Variants in GFM1 observed in about 807,000 individuals in gnomAD.
The protein encoded by GFM1 is elongation factor G, mitochondrial.
In GFM1, 62 loss-of-function variants were observed where a neutral mutation model predicts 96.2. The ratio of observed to expected loss-of-function variants is 0.64; its 90% CI spans 0.53 to 0.80. The LOEUF is 0.80. GFM1 is among the 30% of genes least tolerant of loss of function. The probability of loss-of-function intolerance (pLI) is 0.00; values close to 1 mark genes in which losing one functional copy is unlikely to be tolerated. For missense variants in GFM1, 852 were observed against 916.6 expected (o/e 0.93, Z 0.91); for synonymous variants, 282 against 312.9 (o/e 0.90, Z 1.04).
In GFM1 at chr3:158,690,145, T is replaced by TC; in HGVS notation, c.1910-18_1910-17insC. 6.2e-7 allele frequency: 1 copy of TC among 1,607,768 alleles called. No individual in the cohort carries two copies. The highest frequency in any genetic ancestry group is 1.1e-5 in the South Asian group (1 of 90,900). On this transcript the variant is annotated splice_polypyrimidine_tract_variant and intron_variant, in intron 15 of 17. Coordinates refer to ENST00000486715, the MANE Select transcript of GFM1 (RefSeq NM_024996.7). ...GTTTGTATGAAGACTAATGAACTTT[T>TC]TTTTTTTTTTAACCCAGCCTTGGCA... is the stretch of plus-strand genomic sequence containing the variant.
At chr3:158,690,056 G>T (rs1726178138) in intron 15 of GFM1, 107 bp from the exon 16 acceptor site, 1 of 952,704 alleles carries the variant, frequency 1.0e-6, no homozygotes, top group Admixed American at 1.8e-5. Flanking sequence ...CTTGCCGTTT[G>T]TGTTTGTACC....
chr3:158,646,708 C>T, intron 3 of GFM1, 35 bp from the exon 4 acceptor site: 1 of 1,557,864 alleles, frequency 6.4e-7, no homozygotes, highest in Non-Finnish European at 8.8e-7. Flanking sequence ...ATTCAGATTG[C>T]TCTTTAAGAC....
Position 158,646,228 on chromosome 3 carries a change from A to G in GFM1, c.298A>G (p.Ile100Val). Residue 100 changes from isoleucine (I) to valine (V), a missense_variant, in exon 3 of 18, where the codon ATC (isoleucine) becomes GTC (valine). Transcript: ENST00000486715. ...CATGGAACTAGAGAGACAAAGAGGA[A>G]TCACTATTCAGTCAGCAGCCACTTA... ...DSMELERQRGITIQSAATYTM... is the reference protein window; with the variant it reads ...DSMELERQRGVTIQSAATYTM... The G allele has an allele frequency of 6.2e-7, 1 of 1,613,960 alleles. No individual in the cohort carries two copies. Among genetic ancestry groups the G allele is most frequent in the Non-Finnish European group, 8.5e-7 (1 of 1,179,766 alleles).
At chr3:158,686,631 ATTAT>A (rs1725876398) in intron 15 of GFM1, among the ~76,000 whole-genome samples, 2 of 135,312 alleles carry the variant, frequency 1.5e-5, no homozygotes, top group African/African-American at 6.0e-5. Context: ...TTAGTTTTTT[ATTAT>A]TTAGGTATAG....
intron 13 of GFM1, chr3:158,669,056 C>T (rs753130027): frequency 3.1e-6 from 5 of 1,613,434 alleles, no homozygotes; most frequent in Non-Finnish European, 4.2e-6. Flanking sequence ...TAGAATTTTG[C>T]CATATTATAT....
Position 158,650,331 on chromosome 3 carries a change from C to G in GFM1, c.689+1174C>G, listed in dbSNP as rs1722188370. On this transcript the variant is annotated intron_variant, in intron 5 of 17. Transcript: ENST00000486715. ...GTTACAACTAGGCAGTTGTAACTGC[C>G]TAGTACATAATAGGGACTCAAAAAT... 7.1e-6 allele frequency: 3 copies of G among 424,672 alleles called. No individual in the cohort carries two copies. The South Asian group carries it at 9.3e-5, about 13-fold the overall frequency. 26.3% of individuals were successfully genotyped at this position (424,672 alleles called of 1,614,324 possible).
intron 14 of GFM1, 34 bp from the exon 15 acceptor site, chr3:158,684,490 A>T: frequency 6.2e-7 from 1 of 1,612,520 alleles, no homozygotes; most frequent in Non-Finnish European, 8.5e-7. Flanking sequence ...AGTAAAATCC[A>T]CTCACTCCAG....
In GFM1 at chr3:158,691,706, C is replaced by A; in HGVS notation, c.*239C>A. ...GGTTTTATAGTTCATTGAAAATCCT[C>A]AAATAAAATATAATTATTACTGAAA... On this transcript the variant is annotated 3_prime_UTR_variant, in exon 18 of 18. Transcript: ENST00000486715. 2 of 365,506 alleles carry A rather than the reference C, an allele frequency of 5.5e-6. No homozygotes were observed. Among genetic ancestry groups the A allele is most frequent in the South Asian group, 3.1e-5 (1 of 31,776 alleles). The allele number at this position is 365,506 out of a possible 1,614,324, so 22.6% of individuals were successfully genotyped here.
At chr3:158,660,770 C>T (rs559012583) in intron 9 of GFM1, 104 bp from the exon 10 acceptor site, 19 of 934,920 alleles carry the variant, frequency 2.0e-5, no homozygotes, top group African/African-American at 9.7e-5. Flanking sequence ...GATTCTGCCA[C>T]GCTTTTTTAT....
At chr3:158,668,475 T>G (rs1373338741) in intron 13 of GFM1, among the ~76,000 whole-genome samples, 1 of 152,214 alleles carries the variant, frequency 6.6e-6, no homozygotes, top group Non-Finnish European at 1.5e-5. Context: ...CCTGGGATTC[T>G]GTCTTGCTGC....
rs1039306048 is a variant in GFM1 at position 158,693,893 on chromosome 3, G to A, written c.*2426G>A. On this transcript the variant is annotated 3_prime_UTR_variant, in exon 18 of 18. Coordinates refer to ENST00000486715, the MANE Select transcript of GFM1 (RefSeq NM_024996.7). ...TAATATGCAGACAAAGTTAAAGACC[G>A]CTGAAATATTGCCTGCACTGCGCTT... The A allele has an allele frequency of 3.9e-5, 6 of 152,276 alleles. No individual in the cohort carries two copies. Among genetic ancestry groups the A allele is most frequent in the East Asian group, 1.9e-4 (1 of 5,182 alleles). The allele number at this position is 152,276 out of a possible 1,614,324, so 9.4% of individuals were successfully genotyped here.
intron 13 of GFM1, among the ~76,000 whole-genome samples, chr3:158,678,091 T>G (rs1725054557): frequency 6.6e-6 from 1 of 152,204 alleles, no homozygotes; most frequent in Non-Finnish European, 1.5e-5. Context: ...ACAGCATGGC[T>G]TACTGAATGT....
intron 1 of GFM1, chr3:158,644,943 A>G: frequency 2.1e-6 from 1 of 465,684 alleles, no homozygotes. Flanking sequence ...AGTGTCTGTC[A>G]CTCAGATACT....
In GFM1 at chr3:158,692,144, G is replaced by C. The variant is rs1280164005; in HGVS notation, c.*677G>C. On this transcript the variant is annotated 3_prime_UTR_variant, in exon 18 of 18. Coordinates refer to ENST00000486715, the MANE Select transcript of GFM1 (RefSeq NM_024996.7). ...TAAAATATTAGCCAAATTTCTCTCTGTTTTATATATGTCTGTTTATTTCAG... is the reference window on the plus strand; with the variant it reads ...TAAAATATTAGCCAAATTTCTCTCTCTTTTATATATGTCTGTTTATTTCAG... The C allele has an allele frequency of 1.3e-5, 2 of 152,262 alleles. No homozygotes were observed. The highest frequency in any genetic ancestry group is 2.9e-5 in the Non-Finnish European group (2 of 68,172). The allele number at this position is 152,262 out of a possible 1,614,324, so 9.4% of individuals were successfully genotyped here.
chr3:158,688,993 A>G (rs1726091854), intron 15 of GFM1, among the ~76,000 whole-genome samples: 1 of 152,220 alleles, frequency 6.6e-6, no homozygotes, highest in Admixed American at 6.5e-5. Context: ...ATGCTTCTGG[A>G]AAACCTGTGA....
rs1726413527 is a variant in GFM1, at chr3:158,692,810, G to A, written c.*1343G>A. On this transcript the variant is annotated 3_prime_UTR_variant, in exon 18 of 18. Transcript: ENST00000486715. The stretch of plus-strand genomic sequence containing the variant: ...GGGTTCAAGCAATTATCCCATCTCA[G>A]CTGCCTAAGTAGGTGGGACTACAGG... Among the ~76,000 whole-genome samples, 1 of 151,688 alleles carries A rather than the reference G, an allele frequency of 6.6e-6. No individual in the cohort carries two copies. Among genetic ancestry groups the A allele is most frequent in the Non-Finnish European group, 1.5e-5 (1 of 67,976 alleles).
At chr3:158,650,227 A>T in intron 5 of GFM1, 2 of 624,984 alleles carry the variant, frequency 3.2e-6, no homozygotes, top group East Asian at 5.5e-5. Flanking sequence ...CTTAGGATAT[A>T]AGGCCCAGTA....
chr3:158,659,133 C>A, intron 9 of GFM1, 74 bp downstream of exon 9: 1 of 1,510,426 alleles, frequency 6.6e-7, no homozygotes, highest in Non-Finnish European at 9.2e-7. Context: ...GTATCCTGAG[C>A]CCCACTAGAA....
chr3:158,684,674 C>T lies in GFM1; in HGVS notation c.1909+6C>T. 6.2e-7 allele frequency: 1 copy of T among 1,613,808 alleles called. No individual in the cohort carries two copies. Among genetic ancestry groups the T allele is most frequent in the East Asian group, 2.2e-5 (1 of 44,874 alleles). On this transcript the variant is annotated splice_donor_region_variant and intron_variant, in intron 15 of 17. Coordinates refer to ENST00000486715, the MANE Select transcript of GFM1 (RefSeq NM_024996.7). The stretch of plus-strand genomic sequence containing the variant: ...AGAAGGTGCTCTTAAACAAGGTATG[C>T]TGGGTCCGGGCACCTTAGCCTGTCT...
Sources: gnomAD v4.1 joint callset for allele counts (sites outside exome capture counted in the v4.1 genomes callset) on GRCh38, gnomAD v4.1.1 for gene constraint, MANE v1.5 for transcripts, NCBI Gene and HGNC (gene_info 2026-07-23, HGNC 2026-07-21) for gene names.